Variants in STXBP5L observed in about 807,000 individuals in gnomAD.
The protein encoded by STXBP5L is syntaxin binding protein 5L.
STXBP5L carries 65 observed loss-of-function variants against 144.5 expected under a neutral mutation model. The ratio of observed to expected loss-of-function variants is 0.45; its 90% confidence interval spans 0.37 to 0.55. The LOEUF (loss-of-function observed/expected upper bound fraction) is 0.55. STXBP5L is among the 20% of genes least tolerant of loss of function. STXBP5L has a pLI of 0.00. For synonymous variants in STXBP5L, 505 were observed against 469.6 expected (o/e 1.08, Z -0.97); for missense variants, 1,298 against 1,405.5 (o/e 0.92, Z 1.22).
chr3:121,091,441 T>C (rs1352185326), intron 5 of STXBP5L, among the ~76,000 whole-genome samples: 1 of 151,988 alleles, frequency 6.6e-6, no homozygotes, highest in Non-Finnish European at 1.5e-5. Flanking sequence ...CCAGCACCTG[T>C]TGTTCCCTGA....
intron 3 of STXBP5L, among the ~76,000 whole-genome samples, chr3:120,977,665 T>A (rs559934692): frequency 6.6e-6 from 1 of 152,192 alleles, no homozygotes; most frequent in Non-Finnish European, 1.5e-5. Context: ...TTTGGCATGA[T>A]TTTGCAGTGG....
chr3:121,083,246 A>C (rs1000000604), intron 5 of STXBP5L, among the ~76,000 whole-genome samples: 1 of 152,108 alleles, frequency 6.6e-6, no homozygotes, highest in Non-Finnish European at 1.5e-5. Context: ...ATTTCTATTC[A>C]TCAGGGATAT....
intron 3 of STXBP5L, among the ~76,000 whole-genome samples, chr3:121,027,325 AC>A (rs145054418): frequency 1.3e-5 from 2 of 152,110 alleles, no homozygotes; most frequent in Non-Finnish European, 2.9e-5. Context: ...GGAAAAAGTC[AC>A]CCCCGTGGGA....
chr3:121,061,159 C>A (rs938618523), intron 5 of STXBP5L, among the ~76,000 whole-genome samples: 2 of 152,158 alleles, frequency 1.3e-5, no homozygotes, highest in East Asian at 3.8e-4. Context: ...CCCAGAGATT[C>A]TGGTACGTTA....
At position 121,275,938 on chromosome 3, in the gene STXBP5L, A is replaced by G. The variant is rs138681490; in HGVS notation, c.1959-3867A>G. On this transcript the variant is annotated intron_variant, in intron 18 of 26. Coordinates refer to ENST00000471454, the MANE Select transcript of STXBP5L (RefSeq NM_001308330.2). ...TGTAGGCACCATATAGTTGGGTCTTACTTTTTATCCACTCAGGCAATCTCT... is the reference window on the plus strand; with the variant it reads ...TGTAGGCACCATATAGTTGGGTCTTGCTTTTTATCCACTCAGGCAATCTCT... Among the ~76,000 whole-genome samples the G allele has an allele frequency of 2.1e-4, 32 of 152,114 alleles. No homozygotes were observed. The East Asian group carries it at 4.4e-3, about 21-fold the overall frequency.
At chr3:121,150,908 T>G (rs1308571492) in intron 7 of STXBP5L, among the ~76,000 whole-genome samples, 1 of 151,902 alleles carries the variant, frequency 6.6e-6, no homozygotes, top group African/African-American at 2.4e-5. Flanking sequence ...GCCAACGTGG[T>G]GAAACCCCAT....
At chr3:121,329,723 T>A (rs1454381325) in intron 20 of STXBP5L, among the ~76,000 whole-genome samples, 1 of 151,988 alleles carries the variant, frequency 6.6e-6, no homozygotes, top group Non-Finnish European at 1.5e-5. Context: ...TAGCCAGGCA[T>A]GGTGGCAGGC....
intron 3 of STXBP5L, among the ~76,000 whole-genome samples, chr3:120,965,127 G>T (rs1003938646): frequency 6.6e-6 from 1 of 151,974 alleles, no homozygotes; most frequent in African/African-American, 2.4e-5. Context: ...TTTTCCATTT[G>T]CTTGGTAGAT....
chr3:121,017,294 C>T (rs192402363), intron 3 of STXBP5L, among the ~76,000 whole-genome samples: 3 of 152,160 alleles, frequency 2.0e-5, no homozygotes, highest in Admixed American at 1.3e-4. Flanking sequence ...ACTTCTTCAA[C>T]TTGATAAAGA....
intron 3 of STXBP5L, among the ~76,000 whole-genome samples, chr3:121,023,282 A>T (rs557009654): frequency 6.6e-6 from 1 of 152,334 alleles, no homozygotes; most frequent in East Asian, 1.9e-4. Context: ...ATGCTCATGG[A>T]TGGATAGAAT....
At chr3:121,197,601 A>G in intron 9 of STXBP5L, among the ~76,000 whole-genome samples, 1 of 152,082 alleles carries the variant, frequency 6.6e-6, no homozygotes, top group East Asian at 1.9e-4. Flanking sequence ...CCCATCATCT[A>G]GGTTTTAAGC....
intron 4 of STXBP5L, among the ~76,000 whole-genome samples, chr3:121,044,950 A>T (rs1269071637): frequency 6.6e-6 from 1 of 152,166 alleles, no homozygotes; most frequent in Non-Finnish European, 1.5e-5. Flanking sequence ...AAATTAAATT[A>T]TACCAAATAT....
At chr3:121,360,950 C>T (rs1218702945) in intron 20 of STXBP5L, among the ~76,000 whole-genome samples, 1 of 152,096 alleles carries the variant, frequency 6.6e-6, no homozygotes, top group African/African-American at 2.4e-5. Flanking sequence ...TGAAACACTT[C>T]CTTTAGCATT....
At chr3:121,144,489 T>G (rs1277307332) in intron 7 of STXBP5L, among the ~76,000 whole-genome samples, 2 of 151,896 alleles carry the variant, frequency 1.3e-5, no homozygotes, top group Non-Finnish European at 2.9e-5. Flanking sequence ...TTGACAAGGA[T>G]GTGAAGATAT....
intron 19 of STXBP5L, 100 bp downstream of exon 19, chr3:121,280,056 G>A: frequency 7.5e-7 from 1 of 1,332,792 alleles, no homozygotes; most frequent in Non-Finnish European, 1.0e-6. Context: ...TCAAATGCAT[G>A]GCAAAATAAA....
At chr3:121,092,155 G>A (rs2042843344) in intron 5 of STXBP5L, among the ~76,000 whole-genome samples, 1 of 152,130 alleles carries the variant, frequency 6.6e-6, no homozygotes, top group East Asian at 1.9e-4. Flanking sequence ...CCAGTACCAT[G>A]CTGTTTTGGT....
intron 3 of STXBP5L, among the ~76,000 whole-genome samples, chr3:120,970,991 C>G (rs1940181898): frequency 6.6e-6 from 1 of 152,082 alleles, no homozygotes; most frequent in Admixed American, 6.6e-5. Flanking sequence ...CAGTGAGCAC[C>G]AAATGTTAGA....
At chr3:121,118,135 A>G (rs2044309440) in intron 6 of STXBP5L, among the ~76,000 whole-genome samples, 1 of 151,776 alleles carries the variant, frequency 6.6e-6, no homozygotes, top group Admixed American at 6.6e-5. Flanking sequence ...AGAAACAACT[A>G]TGAACAGAGA....
intron 5 of STXBP5L, among the ~76,000 whole-genome samples, chr3:121,048,876 A>T (rs1947720427): frequency 6.6e-6 from 1 of 152,076 alleles, no homozygotes; most frequent in Non-Finnish European, 1.5e-5. Flanking sequence ...AGAGTAGTGG[A>T]GGCATGTGGA....
Sources: gnomAD v4.1 joint callset for allele counts (sites outside exome capture counted in the v4.1 genomes callset) on GRCh38, gnomAD v4.1.1 for gene constraint, MANE v1.5 for transcripts, NCBI Gene and HGNC (gene_info 2026-07-23, HGNC 2026-07-21) for gene names.